CHMP3: variants seen among roughly 807,000 people sequenced by gnomAD.
The protein encoded by CHMP3 is charged multivesicular body protein 3.
Under a neutral mutation model 27.4 loss-of-function variants are expected in CHMP3, and 8 were observed. The ratio of observed to expected loss-of-function variants is 0.29; its 90% CI spans 0.17 to 0.53. The LOEUF is 0.53. CHMP3 is among the 20% of genes least tolerant of loss of function. The pLI, the probability that CHMP3 is intolerant of heterozygous loss-of-function variation, is 0.96. For synonymous variants in CHMP3, 86 were observed against 85.5 expected (o/e 1.01, Z -0.03); for missense variants, 208 against 271.5 (o/e 0.77, Z 1.64).
chr2:86,546,182 G>A (rs1224012098), intron 1 of CHMP3, among the ~76,000 whole-genome samples: 2 of 152,198 alleles, frequency 1.3e-5, no homozygotes, highest in African/African-American at 4.8e-5. Context: ...TCAACACAGT[G>A]AAACCCCGTC....
intron 3 of CHMP3, among the ~76,000 whole-genome samples, chr2:86,516,408 G>A (rs1177065833): frequency 6.6e-6 from 1 of 152,124 alleles, no homozygotes; most frequent in Non-Finnish European, 1.5e-5. Context: ...TGGCAAATAA[G>A]CACATGAAAA....
rs1296866528 is a variant in CHMP3 at position 86,503,651 on chromosome 2, TGGAGG to T, written c.*2148_*2152del. 1 of 152,176 alleles carries T rather than the reference TGGAGG, an allele frequency of 6.6e-6. No homozygotes were observed. Among genetic ancestry groups the T allele is most frequent in the Non-Finnish European group, 1.5e-5 (1 of 68,038 alleles). 9.4% of individuals were successfully genotyped at this position (152,176 alleles called of 1,614,324 possible). ...TGCACTATTAAGCCATGAAATGACA[TGGAGG>T]AACCTTAATTGCATATTATTAAGTG... On this transcript the variant is annotated 3_prime_UTR_variant, in exon 6 of 6. Transcript: ENST00000263856.
At chr2:86,559,522 C>A (rs958639688) in intron 1 of CHMP3, among the ~76,000 whole-genome samples, 2 of 152,230 alleles carry the variant, frequency 1.3e-5, no homozygotes, top group African/African-American at 2.4e-5. Flanking sequence ...TTTATTGGCA[C>A]CTTCTTGAAT....
chr2:86,563,306 G>A lies in CHMP3; in HGVS notation c.43C>T (p.Leu15=). The change falls in exon 1 of 6, where the codon CTG becomes TTG. Residue 15 remains leucine (L), a splice_region_variant and synonymous_variant. Coordinates refer to ENST00000263856, the MANE Select transcript of CHMP3 (RefSeq NM_016079.4). ...TCTGCCGCCGCCGTAGCCCTTACCA[G>A]TTCTTTGGGCGGCTTCTCCTGGGTC... The part of the protein sequence containing the change: ...GKTQEKPPKE[L]VNEWSLKIRK... The A allele has an allele frequency of 6.2e-7, 1 of 1,614,118 alleles. No homozygotes were observed. The highest frequency in any genetic ancestry group is 8.5e-7 in the Non-Finnish European group (1 of 1,179,964).
chr2:86,547,822 C>A (rs895261806), intron 1 of CHMP3, among the ~76,000 whole-genome samples: 1 of 152,092 alleles, frequency 6.6e-6, no homozygotes, highest in African/African-American at 2.4e-5. Context: ...CAGAACATAA[C>A]GTGTACAGAA....
At chr2:86,536,681 G>C (rs1022735314) in intron 2 of CHMP3, among the ~76,000 whole-genome samples, 2 of 152,152 alleles carry the variant, frequency 1.3e-5, no homozygotes, top group Non-Finnish European at 2.9e-5. Context: ...TTCTTGGCAA[G>C]ATCTCACTTG....
chr2:86,514,558 AACACACAT>A lies in CHMP3; in HGVS notation c.287-4087_287-4080del, dbSNP rs1417214270. Reference sequence around the variant, plus strand: ...TAAAATACCACATTCAAAAACCAAGAACACACATTATATACTAAAATATAAATGGCATC... The same window carrying A: ...TAAAATACCACATTCAAAAACCAAGATATATACTAAAATATAAATGGCATC... On this transcript the variant is annotated intron_variant, in intron 3 of 5. Coordinates refer to ENST00000263856, the MANE Select transcript of CHMP3 (RefSeq NM_016079.4). Among the ~76,000 whole-genome samples the A allele has an allele frequency of 3.9e-5, 6 of 152,308 alleles. No individual in the cohort carries two copies. The East Asian group carries it at 1.2e-3, about 29-fold the overall frequency.
chr2:86,551,965 C>T (rs1033842544), intron 1 of CHMP3, among the ~76,000 whole-genome samples: 10 of 152,148 alleles, frequency 6.6e-5, no homozygotes, highest in African/African-American at 2.2e-4. Context: ...ATAGCATTCC[C>T]GCTAAAAGAA....
At chr2:86,562,143 C>T (rs1023760588) in intron 1 of CHMP3, 1 of 152,186 alleles carries the variant, frequency 6.6e-6, no homozygotes, top group African/African-American at 2.4e-5. Context: ...TGTTCTAGGG[C>T]CTTTAACAAC....
At position 86,542,327 on chromosome 2, in the gene CHMP3, A is replaced by T; in HGVS notation, c.46-15T>A. Reference sequence around the variant, plus strand: ...CACTCATTGACCTGGGAAAATTTTTAGAAAAGGAATGAGGAGAAAAGCCGA... The same window carrying T: ...CACTCATTGACCTGGGAAAATTTTTTGAAAAGGAATGAGGAGAAAAGCCGA... On this transcript the variant is annotated splice_polypyrimidine_tract_variant and intron_variant, in intron 1 of 5. Transcript: ENST00000263856. The T allele has an allele frequency of 6.2e-7, 1 of 1,612,940 alleles. No homozygotes were observed. Among genetic ancestry groups the T allele is most frequent in the Non-Finnish European group, 8.5e-7 (1 of 1,179,294 alleles).
At chr2:86,532,856 T>C (rs1675981288) in intron 2 of CHMP3, among the ~76,000 whole-genome samples, 2 of 152,262 alleles carry the variant, frequency 1.3e-5, no homozygotes, top group African/African-American at 4.8e-5. Context: ...TGAAGATTTT[T>C]GCACCAATGT....
intron 3 of CHMP3, chr2:86,515,273 T>C (rs543167809): frequency 6.6e-6 from 1 of 152,322 alleles, no homozygotes; most frequent in East Asian, 1.9e-4. Context: ...CTCAGTATTG[T>C]TCCAATTTTA....
In CHMP3 at chr2:86,503,593, G is replaced by A. The variant is rs1674780757; in HGVS notation, c.*2211C>T. On this transcript the variant is annotated 3_prime_UTR_variant, in exon 6 of 6. Coordinates refer to ENST00000263856, the MANE Select transcript of CHMP3 (RefSeq NM_016079.4). ...GGTGAATGGATAAACTATTCATCTAGACAATGGAGTATTATTCAGTGCTAA... is the reference window on the plus strand; with the variant it reads ...GGTGAATGGATAAACTATTCATCTAAACAATGGAGTATTATTCAGTGCTAA... The A allele has an allele frequency of 1.3e-5, 2 of 151,832 alleles. No individual in the cohort carries two copies. Among genetic ancestry groups the A allele is most frequent in the Non-Finnish European group, 2.9e-5 (2 of 67,958 alleles). The allele number at this position is 151,832 out of a possible 1,614,324, so 9.4% of individuals were successfully genotyped here.
intron 1 of CHMP3, among the ~76,000 whole-genome samples, chr2:86,549,055 G>A (rs1405649598): frequency 4.9e-5 from 7 of 143,948 alleles, no homozygotes; most frequent in East Asian, 4.3e-4. Flanking sequence ...GGGCAGAGGC[G>A]CCCCCCACTT....
At chr2:86,553,983 T>C (rs1056262019) in intron 1 of CHMP3, among the ~76,000 whole-genome samples, 2 of 152,236 alleles carry the variant, frequency 1.3e-5, no homozygotes, top group African/African-American at 4.8e-5. Flanking sequence ...TATGTTGAAA[T>C]CCTAATCCTC....
intron 3 of CHMP3, among the ~76,000 whole-genome samples, chr2:86,528,753 C>T (rs879810791): frequency 4.6e-5 from 7 of 152,076 alleles, no homozygotes; most frequent in Admixed American, 2.0e-4. Context: ...TGCTGAATAC[C>T]CATCACGTGG....
intron 3 of CHMP3, among the ~76,000 whole-genome samples, chr2:86,528,851 A>T (rs764445230): frequency 4.6e-5 from 7 of 152,148 alleles, no homozygotes; most frequent in Non-Finnish European, 8.8e-5. Context: ...AGCCTGTTGT[A>T]ACATTTTGCC....
rs764388962 is a variant in CHMP3, at chr2:86,534,697, TTTAA to T, written c.107-5304_107-5301del. Among the ~76,000 whole-genome samples, 69 of 152,350 alleles carry T rather than the reference TTTAA, an allele frequency of 4.5e-4. No individual in the cohort carries two copies. The Middle Eastern group carries it at 0.01, about 23-fold the overall frequency. On this transcript the variant is annotated intron_variant, in intron 2 of 5. Transcript: ENST00000263856. The stretch of plus-strand genomic sequence containing the variant: ...TATTATCTTCTTGCTGTATTTAATC[TTTAA>T]TTAATATATAATGTCCTTTGTCTCA...
At chr2:86,528,532 T>G (rs1223828392) in intron 3 of CHMP3, among the ~76,000 whole-genome samples, 1 of 152,128 alleles carries the variant, frequency 6.6e-6, no homozygotes, top group Non-Finnish European at 1.5e-5. Context: ...GTATTCAATC[T>G]AAATATCTGA....
Sources: gnomAD v4.1 joint callset for allele counts (sites outside exome capture counted in the v4.1 genomes callset) on GRCh38, gnomAD v4.1.1 for gene constraint, MANE v1.5 for transcripts, NCBI Gene and HGNC (gene_info 2026-07-23, HGNC 2026-07-21) for gene names.